The following PEAR1 variants were observed in gnomAD, a reference collection of about 807,000 sequenced individuals.
PEAR1 encodes the protein multiple EGF-like domains protein 12.
A neutral mutation model predicts 131.2 loss-of-function variants in PEAR1; 113 were observed. That is an observed-to-expected ratio of 0.86 (90% CI 0.74 to 1.01). The LOEUF (loss-of-function observed/expected upper bound fraction) is 1.01, where lower values mean the gene tolerates loss of function less well. Among genes scored for constraint, PEAR1 ranks in the 50% least tolerant of loss-of-function variants. The pLI is 0.00. For missense variants in PEAR1, 1,408 were observed against 1,391.1 expected (o/e 1.01, Z -0.19); for synonymous variants, 565 against 523.3 (o/e 1.08, Z -1.09).
intron 18 of PEAR1, 105 bp from the exon 19 acceptor site, chr1:156,913,089 G>A: frequency 6.4e-7 from 1 of 1,557,272 alleles, no homozygotes; most frequent in South Asian, 1.1e-5. Context: ...GAGGAGGGAG[G>A]AAGGGAGGTC....
At chr1:156,910,834 A>G in intron 15 of PEAR1, 91 bp downstream of exon 15, 1 of 1,558,750 alleles carries the variant, frequency 6.4e-7, no homozygotes, top group Non-Finnish European at 8.7e-7. Flanking sequence ...CCTGGGTATA[A>G]AAGCCTCTGG....
intron 15 of PEAR1, among the ~76,000 whole-genome samples, 198 bp from the exon 16 acceptor site, chr1:156,912,049 C>T (rs1262037029): frequency 6.6e-6 from 1 of 152,130 alleles, no homozygotes; most frequent in Admixed American, 6.5e-5. Flanking sequence ...GGTAGTTGGA[C>T]ACGTGGGTCT....
Position 156,913,983 on chromosome 1 carries a change from C to T in PEAR1, c.2845C>T (p.Pro949Ser), listed in dbSNP as rs2101554345. The T allele has an allele frequency of 6.2e-7, 1 of 1,613,734 alleles. No individual in the cohort carries two copies. Among genetic ancestry groups the T allele is most frequent in the Non-Finnish European group, 8.5e-7 (1 of 1,179,886 alleles). The change falls in exon 22 of 23, where the codon CCT becomes TCT. Residue 949 changes from proline to serine, a missense_variant. Transcript: ENST00000292357. ...GAGCAGCTACATGGAGATGAAAGGC[C>T]CTCCCTCAGGATCTCCCCCCAGGCA... ...RESSYMEMKG[P>S]PSGSPPRQPP...
At chr1:156,894,711 C>T (rs963014361) in intron 1 of PEAR1, among the ~76,000 whole-genome samples, 5 of 152,238 alleles carry the variant, frequency 3.3e-5, no homozygotes, top group Non-Finnish European at 5.9e-5. Context: ...AGCTGCTCTC[C>T]ACTCCCCTGT....
intron 1 of PEAR1, among the ~76,000 whole-genome samples, chr1:156,895,888 C>T (rs1209745611): frequency 6.6e-6 from 1 of 152,160 alleles, no homozygotes; most frequent in African/African-American, 2.4e-5. Context: ...CAAGACCGGC[C>T]TGGTCAACAT....
At chr1:156,896,565 G>A (rs1649182341) in intron 1 of PEAR1, among the ~76,000 whole-genome samples, 1 of 152,242 alleles carries the variant, frequency 6.6e-6, no homozygotes, top group Non-Finnish European at 1.5e-5. Context: ...CAGGATCCCT[G>A]CAGGTGAGTG....
chr1:156,909,941 G>A lies in PEAR1; in HGVS notation c.1575+27G>A, dbSNP rs201599436. 11 of 1,611,710 alleles carry A rather than the reference G, an allele frequency of 6.8e-6. No individual in the cohort carries two copies. In the East Asian group the frequency reaches 2.5e-4, roughly 36 times the overall value. On this transcript the variant is annotated intron_variant, in intron 12 of 22. Coordinates refer to ENST00000292357, the MANE Select transcript of PEAR1 (RefSeq NM_001080471.3). ...TGAGTGCTGGACAGCCTGTCTGCCT[G>A]GGGGTGGGGAGGGCATGGCGTCCCC...
chr1:156,913,340 G>C (rs1335403506), intron 19 of PEAR1, 51 bp from the exon 20 acceptor site: 1 of 1,602,872 alleles, frequency 6.2e-7, no homozygotes, highest in South Asian at 1.1e-5. Context: ...AGCTTCTCTG[G>C]AAAGCCCTGT....
At position 156,904,038 on chromosome 1, in the gene PEAR1, C is replaced by T. The variant is rs1649957624; in HGVS notation, c.101+11C>T. On this transcript the variant is annotated intron_variant, in intron 2 of 22. Coordinates refer to ENST00000292357, the MANE Select transcript of PEAR1 (RefSeq NM_001080471.3). ...CAGCTTCTGGGAAAGGTGAGAGGGC[C>T]CCTGCTGCACCTTGAGGGCACCAAG... is the stretch of plus-strand genomic sequence containing the variant. 2 of 1,605,820 alleles carry T rather than the reference C, an allele frequency of 1.2e-6. No individual in the cohort carries two copies. Among genetic ancestry groups the T allele is most frequent in the Non-Finnish European group, 1.7e-6 (2 of 1,172,656 alleles).
At chr1:156,910,491 C>A in intron 14 of PEAR1, 111 bp downstream of exon 14, 1 of 1,546,912 alleles carries the variant, frequency 6.5e-7, no homozygotes, top group East Asian at 2.3e-5. Flanking sequence ...CACCTTACCC[C>A]CGGTCTCTTC....
At position 156,906,292 on chromosome 1, in the gene PEAR1, G is replaced by A. The variant is rs780584574; in HGVS notation, c.324G>A (p.Glu108=). ...RGFCVPLCAQ[E]CVHGRCVAPN... The stretch of plus-strand genomic sequence containing the variant: ...CTGTCCCAGCGCTCTGTGCCCAGGA[G>A]TGTGTCCATGGCCGTTGTGTGGCAC... Residue 108 remains glutamate (E), a synonymous_variant, in exon 5 of 23, where the codon GAG becomes GAA. Transcript: ENST00000292357. 2 of 1,614,198 alleles carry A rather than the reference G, an allele frequency of 1.2e-6. No individual in the cohort carries two copies. Among genetic ancestry groups the A allele is most frequent in the Middle Eastern group, 1.6e-4 (1 of 6,062 alleles).
chr1:156,911,718 A>T (rs1038392359), intron 15 of PEAR1, among the ~76,000 whole-genome samples: 6 of 152,184 alleles, frequency 3.9e-5, no homozygotes, highest in African/African-American at 1.4e-4. Context: ...TTAGTCCAAA[A>T]AAGCCAAGTA....
intron 6 of PEAR1, 57 bp downstream of exon 6, chr1:156,906,937 T>G (rs735953): frequency 3.2e-6 from 5 of 1,556,144 alleles, no homozygotes; most frequent in Non-Finnish European, 4.3e-6. Flanking sequence ...GCCACACAGA[T>G]CTATGTGGGG....
intron 1 of PEAR1, among the ~76,000 whole-genome samples, chr1:156,901,219 G>A (rs1249388612): frequency 6.6e-6 from 1 of 152,180 alleles, no homozygotes; most frequent in Non-Finnish European, 1.5e-5. Context: ...GGACCTTTGG[G>A]AAAACAGAAC....
In PEAR1 at chr1:156,908,911, T is replaced by C. The variant is rs754497895; in HGVS notation, c.1291-5T>C. ...CGCCCCTCTCACCCGCTCACCCTCT[T>C]TCAGGGCCCTCACTGTGCTAGTCTT... On this transcript the variant is annotated splice_region_variant and splice_polypyrimidine_tract_variant and intron_variant, in intron 10 of 22. Transcript: ENST00000292357. The surrounding 1 kb of genome is among the most constrained non-coding windows in gnomAD (Gnocchi z 4.2). 1.2e-6 allele frequency: 2 copies of C among 1,612,910 alleles called. No homozygotes were observed. The highest frequency in any genetic ancestry group is 3.3e-5 in the Admixed American group (2 of 60,016).
intron 4 of PEAR1, 33 bp downstream of exon 4, chr1:156,905,457 G>A: frequency 1.3e-6 from 2 of 1,558,744 alleles, no homozygotes; most frequent in Non-Finnish European, 1.7e-6. Flanking sequence ...GAGCGGGGTG[G>A]GGCAATGGAA....
At chr1:156,894,493 C>G (rs575204618) in intron 1 of PEAR1, among the ~76,000 whole-genome samples, 9 of 152,310 alleles carry the variant, frequency 5.9e-5, no homozygotes, top group African/African-American at 2.2e-4. Context: ...GGGAAGGACC[C>G]AGGTTTGCAG....
chr1:156,905,666 T>C (rs1304235072), intron 4 of PEAR1, among the ~76,000 whole-genome samples: 2 of 152,134 alleles, frequency 1.3e-5, no homozygotes, highest in Non-Finnish European at 2.9e-5. Context: ...CATCTCTCCA[T>C]GTCCCTCAAC....
Position 156,914,106 on chromosome 1 carries a change from C to A in PEAR1, c.2962+6C>A. On this transcript the variant is annotated splice_donor_region_variant and intron_variant, in intron 22 of 22. Transcript: ENST00000292357. ...GCCCAGCCCCCTGATCCATGGTGAG[C>A]CCTCCCTCTCCACTGGCAGGAGCAG... is the stretch of plus-strand genomic sequence containing the variant. 6.3e-7 allele frequency: 1 copy of A among 1,578,926 alleles called. No individual in the cohort carries two copies.
Sources: gnomAD v4.1 joint callset for allele counts (sites outside exome capture counted in the v4.1 genomes callset) on GRCh38, gnomAD v4.1.1 for gene constraint, Gnocchi (gnomAD v3.1) non-coding constraint, MANE v1.5 for transcripts, NCBI Gene and HGNC (gene_info 2026-07-23, HGNC 2026-07-21) for gene names.